The following ARHGAP10 variants were observed in gnomAD, a reference collection of about 807,000 sequenced individuals.
ARHGAP10 encodes the protein rho GTPase-activating protein 10.
A neutral mutation model predicts 108.6 loss-of-function variants in ARHGAP10; 87 were observed. The ratio of observed to expected loss-of-function variants is 0.80; its 90% CI spans 0.67 to 0.96. The LOEUF (loss-of-function observed/expected upper bound fraction) is 0.96. Ranked by LOEUF, ARHGAP10 falls within the 40% of genes least tolerant of loss-of-function variation. ARHGAP10 has a pLI of 0.00. For synonymous variants in ARHGAP10, 347 were observed against 341.1 expected, an observed-to-expected ratio of 1.02 and a Z score of -0.19; for missense variants, 939 against 954.5, an observed-to-expected ratio of 0.98 and a Z score of 0.21.
At chr4:147,990,553 A>C (rs1740229057) in intron 18 of ARHGAP10, among the ~76,000 whole-genome samples, 1 of 152,220 alleles carries the variant, frequency 6.6e-6, no homozygotes, top group African/African-American at 2.4e-5. Context: ...AATGCCCATG[A>C]GTGGTAGACC....
At chr4:147,775,694 A>G (rs751430308) in intron 1 of ARHGAP10, among the ~76,000 whole-genome samples, 12 of 152,142 alleles carry the variant, frequency 7.9e-5, no homozygotes, top group Non-Finnish European at 1.8e-4. Context: ...TATTAGTACA[A>G]ATAAATAATG....
intron 4 of ARHGAP10, among the ~76,000 whole-genome samples, chr4:147,855,117 C>T (rs977678104): frequency 6.6e-6 from 1 of 152,164 alleles, no homozygotes; most frequent in Non-Finnish European, 1.5e-5. Flanking sequence ...ACTATGTGAC[C>T]TTGCTTTGCA....
chr4:147,955,250 A>T, intron 15 of ARHGAP10, 66 bp from the exon 16 acceptor site: 1 of 1,450,410 alleles, frequency 6.9e-7, no homozygotes, highest in African/African-American at 1.4e-5. Context: ...ACATCCTTTC[A>T]TAAAAAAACT....
chr4:147,979,620 T>G (rs1033405750), intron 18 of ARHGAP10, among the ~76,000 whole-genome samples: 2 of 152,208 alleles, frequency 1.3e-5, no homozygotes, highest in African/African-American at 4.8e-5. Flanking sequence ...TGGATTGCTT[T>G]GGGCGGTATG....
In ARHGAP10 at chr4:147,848,642, C is replaced by G. The variant is rs115231537; in HGVS notation, c.384+1420C>G. Among the ~76,000 whole-genome samples, 1,120 of 152,264 alleles carry G rather than the reference C, an allele frequency of 7.4e-3. 12 individuals carry two copies. The highest frequency in any genetic ancestry group is 0.026 in the African/African-American group (1,075 of 41,540). On this transcript the variant is annotated intron_variant, in intron 4 of 22. Coordinates refer to ENST00000336498, the MANE Select transcript of ARHGAP10 (RefSeq NM_024605.4). ...TATTCCGTGTAAACAACATCCATTT[C>G]TTATTTTTCTCATTTGAATTGGATG...
intron 8 of ARHGAP10, among the ~76,000 whole-genome samples, chr4:147,878,041 A>G (rs1450992275): frequency 2.0e-5 from 3 of 151,582 alleles, no homozygotes; most frequent in East Asian, 1.9e-4. Context: ...GGTTCAAGCC[A>G]TTCTTCTGCC....
chr4:147,934,223 T>A (rs1375898491), intron 13 of ARHGAP10, among the ~76,000 whole-genome samples: 1 of 152,222 alleles, frequency 6.6e-6, no homozygotes, highest in Non-Finnish European at 1.5e-5. Flanking sequence ...AAGAGGGCTG[T>A]AGCTAAGTCC....
chr4:147,997,541 G>A (rs530657260), intron 18 of ARHGAP10, among the ~76,000 whole-genome samples: 1 of 152,306 alleles, frequency 6.6e-6, no homozygotes, highest in South Asian at 2.1e-4. Flanking sequence ...AAAGGAGAAA[G>A]ACAGATGAGA....
intron 1 of ARHGAP10, among the ~76,000 whole-genome samples, chr4:147,772,026 G>A (rs982664386): frequency 1.3e-5 from 2 of 152,124 alleles, no homozygotes; most frequent in African/African-American, 2.4e-5. Flanking sequence ...TCTTGACCTC[G>A]GGATCTGCCC....
In ARHGAP10 at chr4:147,771,577, T is replaced by G. The variant is rs561831537; in HGVS notation, c.154+39122T>G. Reference sequence around the variant, plus strand: ...TTTTTGTACCCATTCAAGTGTTGTGTTGTTGTGAGGATTAAATGAAATAGT... The same window carrying G: ...TTTTTGTACCCATTCAAGTGTTGTGGTGTTGTGAGGATTAAATGAAATAGT... On this transcript the variant is annotated intron_variant, in intron 1 of 22. Transcript: ENST00000336498. Among the ~76,000 whole-genome samples, 408 of 152,182 alleles carry G rather than the reference T, an allele frequency of 2.7e-3. 3 individuals carry two copies. Among genetic ancestry groups the G allele is most frequent in the Non-Finnish European group, 3.4e-3 (234 of 67,920 alleles).
intron 4 of ARHGAP10, among the ~76,000 whole-genome samples, chr4:147,850,954 T>C (rs1316466023): frequency 2.6e-5 from 4 of 152,144 alleles, no homozygotes; most frequent in African/African-American, 9.7e-5. Flanking sequence ...CTCTGAGAAA[T>C]ACCAGAACGT....
At chr4:148,030,108 T>C (rs1187207655) in intron 19 of ARHGAP10, among the ~76,000 whole-genome samples, 1 of 150,194 alleles carries the variant, frequency 6.7e-6, no homozygotes, top group African/African-American at 2.5e-5. Flanking sequence ...CCCCTTTCTG[T>C]GGAGGAGGAA....
intron 22 of ARHGAP10, among the ~76,000 whole-genome samples, chr4:148,070,039 G>T (rs1487091575): frequency 6.6e-6 from 1 of 152,206 alleles, no homozygotes; most frequent in African/African-American, 2.4e-5. Context: ...CTCTGAATTT[G>T]CTTACTCAGT....
At chr4:147,951,830 A>C (rs1436491) in intron 15 of ARHGAP10, among the ~76,000 whole-genome samples, 152,217 of 152,226 alleles carry the variant, frequency 1, 76,104 homozygotes, top group Middle Eastern at 1. Context: ...TTATAGTGTA[A>C]GTTTCGGTAA....
intron 18 of ARHGAP10, among the ~76,000 whole-genome samples, chr4:148,007,667 T>C (rs184655509): frequency 6.6e-6 from 1 of 152,346 alleles, no homozygotes; most frequent in East Asian, 1.9e-4. Context: ...AAGCATTGTG[T>C]AACTTCAGCA....
intron 18 of ARHGAP10, among the ~76,000 whole-genome samples, chr4:148,011,387 C>T (rs1236293120): frequency 6.6e-6 from 1 of 152,224 alleles, no homozygotes; most frequent in Non-Finnish European, 1.5e-5. Flanking sequence ...GGCTTCTGCA[C>T]TCACATCTGG....
intron 1 of ARHGAP10, among the ~76,000 whole-genome samples, chr4:147,767,777 A>G (rs1729896365): frequency 6.6e-6 from 1 of 152,210 alleles, no homozygotes; most frequent in Non-Finnish European, 1.5e-5. Context: ...CTTTTGTCCA[A>G]CTGGAGTCCT....
chr4:148,036,617 C>T (rs1728389555), intron 19 of ARHGAP10, among the ~76,000 whole-genome samples: 1 of 152,226 alleles, frequency 6.6e-6, no homozygotes, highest in South Asian at 2.1e-4. Context: ...GGCCTTCCAG[C>T]CATACTGAAC....
chr4:148,023,449 G>A, intron 19 of ARHGAP10, 36 bp downstream of exon 19: 1 of 1,601,442 alleles, frequency 6.2e-7, no homozygotes, highest in Non-Finnish European at 8.5e-7. Flanking sequence ...TTGATAGCAT[G>A]TTGAGAGTAT....
Sources: gnomAD v4.1 joint callset for allele counts (sites outside exome capture counted in the v4.1 genomes callset) on GRCh38, gnomAD v4.1.1 for gene constraint, MANE v1.5 for transcripts, NCBI Gene and HGNC (gene_info 2026-07-23, HGNC 2026-07-21) for gene names.